GRM8: variants seen among roughly 807,000 people sequenced by gnomAD.
GRM8 encodes glutamate metabotropic receptor 8, also known as metabotropic glutamate receptor 8.
In GRM8, 47 loss-of-function variants were observed where a neutral mutation model predicts 87.2. The observed-to-expected ratio is 0.54, with a 90% confidence interval of 0.43 to 0.69. The LOEUF (loss-of-function observed/expected upper bound fraction) is 0.69, where lower values mean the gene tolerates loss of function less well. GRM8 is among the 30% of genes least tolerant of loss of function. GRM8 has a pLI of 0.00. For synonymous variants in GRM8, 396 were observed against 404.5 expected, an observed-to-expected ratio of 0.98 and a Z score of 0.25; for missense variants, 1,019 against 1,139.2, an observed-to-expected ratio of 0.89 and a Z score of 1.52.
At chr7:126,459,523 T>C (rs537159832) in intron 9 of GRM8, among the ~76,000 whole-genome samples, 2 of 151,702 alleles carry the variant, frequency 1.3e-5, no homozygotes, top group South Asian at 4.1e-4. Flanking sequence ...TTTTCAGAAT[T>C]AGTGATGCAA....
chr7:126,704,068 T>A (rs1231836718), intron 7 of GRM8, among the ~76,000 whole-genome samples: 2 of 152,142 alleles, frequency 1.3e-5, no homozygotes, highest in African/African-American at 2.4e-5. Flanking sequence ...TCTTATTATA[T>A]GTTTCCTATA....
rs1182152239 is a variant in GRM8 at position 127,252,226 on chromosome 7, C to T, written c.-312+571G>A. On this transcript the variant is annotated intron_variant, in intron 1 of 10. Transcript: ENST00000339582. The surrounding 1 kb of genome is among the most constrained non-coding windows in gnomAD (Gnocchi z 4.9). ...GAGGCAGAGCGCTTTAAAATCCTGC[C>T]GCCGCACGCCCAGTCAGAGCGCCGA... is the stretch of plus-strand genomic sequence containing the variant. The T allele has an allele frequency of 2.6e-5, 4 of 152,272 alleles. No individual in the cohort carries two copies. The highest frequency in any genetic ancestry group is 4.4e-5 in the Non-Finnish European group (3 of 68,100). 9.4% of individuals were successfully genotyped at this position (152,272 alleles called of 1,614,324 possible). A position where few individuals can be genotyped will look rare whatever the true frequency, so the allele number is the denominator to read the frequency against.
rs552878629 is a variant in GRM8, at chr7:127,184,453, G to A, written c.510+58242C>T. On this transcript the variant is annotated intron_variant, in intron 2 of 10. Coordinates refer to ENST00000339582, the MANE Select transcript of GRM8 (RefSeq NM_000845.3). ...AGGCATTTGACAAAATCCTATATCC[G>A]TGTATAATAAAAATTATCAGCAAAC... is the stretch of plus-strand genomic sequence containing the variant. Among the ~76,000 whole-genome samples the A allele has an allele frequency of 7.9e-5, 12 of 151,814 alleles. 1 individual carries two copies. The East Asian group carries it at 1.4e-3, about 17-fold the overall frequency.
chr7:126,532,764 GATATATATATATATATATATATATATAT>G (rs521), intron 9 of GRM8, among the ~76,000 whole-genome samples, 160 bp downstream of exon 9: 42,275 of 111,296 alleles, frequency 0.38, 8,060 homozygotes, highest in East Asian at 0.51. Flanking sequence ...GACGGATGGA[GATATATATATATATATATATATATATAT>G]ATATATATAT....
At chr7:126,969,851 G>C (rs1810238877) in intron 3 of GRM8, among the ~76,000 whole-genome samples, 1 of 152,136 alleles carries the variant, frequency 6.6e-6, no homozygotes, top group African/African-American at 2.4e-5. Flanking sequence ...AATGAGACTT[G>C]AGAGGTTAAG....
intron 6 of GRM8, among the ~76,000 whole-genome samples, chr7:126,884,879 G>A (rs551668130): frequency 2.0e-5 from 3 of 152,242 alleles, no homozygotes; most frequent in East Asian, 1.9e-4. Flanking sequence ...GTGCACTATG[G>A]GCATACAGTA....
intron 9 of GRM8, among the ~76,000 whole-genome samples, chr7:126,493,634 T>C (rs1172669847): frequency 6.6e-6 from 1 of 152,016 alleles, no homozygotes; most frequent in Non-Finnish European, 1.5e-5. Flanking sequence ...GCAGCCTCCC[T>C]AAGTAGAACA....
intron 3 of GRM8, among the ~76,000 whole-genome samples, chr7:127,045,824 GT>G (rs1818872937): frequency 6.6e-6 from 1 of 151,982 alleles, no homozygotes; most frequent in African/African-American, 2.4e-5. Flanking sequence ...GCAAGTCTTT[GT>G]TTTTTGCCTG....
At chr7:127,007,075 G>A (rs1246283015) in intron 3 of GRM8, among the ~76,000 whole-genome samples, 1 of 151,900 alleles carries the variant, frequency 6.6e-6, no homozygotes, top group Admixed American at 6.6e-5. Flanking sequence ...ATTCTACGTT[G>A]GAGAGAAACA....
intron 7 of GRM8, among the ~76,000 whole-genome samples, chr7:126,649,886 G>A (rs1803609820): frequency 6.6e-6 from 1 of 152,194 alleles, no homozygotes; most frequent in South Asian, 2.1e-4. Context: ...AGATCCAATG[G>A]TGCCTGAGGT....
intron 7 of GRM8, among the ~76,000 whole-genome samples, chr7:126,681,810 A>T (rs1042193359): frequency 2.0e-5 from 3 of 152,238 alleles, no homozygotes; most frequent in Non-Finnish European, 2.9e-5. Context: ...CATACTTTTA[A>T]TTGACAATGA....
chr7:126,840,457 C>A (rs1563238447), intron 6 of GRM8, among the ~76,000 whole-genome samples: 1 of 152,080 alleles, frequency 6.6e-6, no homozygotes, highest in African/African-American at 2.4e-5. Context: ...GTATTTTCAT[C>A]TTTTATTGGA....
At chr7:127,184,386 CT>C (rs1246361438) in intron 2 of GRM8, among the ~76,000 whole-genome samples, 1 of 151,364 alleles carries the variant, frequency 6.6e-6, no homozygotes, top group Non-Finnish European at 1.5e-5. Flanking sequence ...CATTAACAGG[CT>C]AAGGGAAAAA....
intron 8 of GRM8, among the ~76,000 whole-genome samples, chr7:126,542,384 CAATT>C (rs938754465): frequency 1.4e-4 from 22 of 152,058 alleles, no homozygotes; most frequent in African/African-American, 4.8e-4. Flanking sequence ...AACAGAAAGT[CAATT>C]AATCAGTAAT....
At chr7:126,557,522 C>T (rs62479317) in intron 8 of GRM8, among the ~76,000 whole-genome samples, 46,677 of 152,002 alleles carry the variant, frequency 0.31, 8,078 homozygotes, top group East Asian at 0.44. Context: ...CCACAAGTGG[C>T]GATCGTAAGA....
At chr7:126,635,413 A>C (rs1232118597) in intron 7 of GRM8, among the ~76,000 whole-genome samples, 1 of 152,106 alleles carries the variant, frequency 6.6e-6, no homozygotes, top group Non-Finnish European at 1.5e-5. Context: ...TAACTCTAAA[A>C]ATATATATTA....
At chr7:126,843,753 C>T (rs771438120) in intron 6 of GRM8, among the ~76,000 whole-genome samples, 58 of 152,208 alleles carry the variant, frequency 3.8e-4, no homozygotes, top group Non-Finnish European at 6.5e-4. Flanking sequence ...GGAGGAACAG[C>T]GCTGCTGTTT....
intron 6 of GRM8, among the ~76,000 whole-genome samples, chr7:126,833,975 C>T (rs987568244): frequency 7.2e-5 from 11 of 152,116 alleles, no homozygotes; most frequent in African/African-American, 1.4e-4. Context: ...GAAATTCTGT[C>T]CTGGCTTAGC....
chr7:126,845,541 C>T (rs563637956), intron 6 of GRM8, among the ~76,000 whole-genome samples: 42 of 152,286 alleles, frequency 2.8e-4, no homozygotes, highest in Middle Eastern at 6.8e-3. Context: ...TTCCTTTACA[C>T]ACCATAGCCT....
Sources: allele counts gnomAD v4.1 joint callset (sites outside exome capture counted in the v4.1 genomes callset), GRCh38; gene constraint gnomAD v4.1.1; non-coding constraint Gnocchi (gnomAD v3.1); transcripts MANE v1.5; gene names NCBI Gene and HGNC (gene_info 2026-07-23, HGNC 2026-07-21).